The following ELMO1 variants were observed in gnomAD, a reference collection of about 807,000 sequenced individuals.
ELMO1 encodes engulfment and cell motility 1, also known as engulfment and cell motility protein 1.
A neutral mutation model predicts 98.9 loss-of-function variants in ELMO1; 26 were observed. The ratio of observed to expected loss-of-function variants is 0.26; its 90% CI spans 0.19 to 0.36. The LOEUF is 0.36. Ranked by LOEUF, ELMO1 falls within the 10% of genes least tolerant of loss-of-function variation. ELMO1 has a pLI of 1.00. For missense variants in ELMO1, 627 were observed against 935.2 expected, an observed-to-expected ratio of 0.67 and a Z score of 4.30; for synonymous variants, 346 against 346.0, an observed-to-expected ratio of 1.00 and a Z score of 0.00.
At chr7:37,428,262 A>G (rs1260764021) in intron 1 of ELMO1, among the ~76,000 whole-genome samples, 2 of 152,226 alleles carry the variant, frequency 1.3e-5, no homozygotes, top group Non-Finnish European at 2.9e-5. Flanking sequence ...ATAAAAAAAA[A>G]ACTGAGTGAT....
intron 16 of ELMO1, among the ~76,000 whole-genome samples, chr7:36,950,200 G>A (rs1162155399): frequency 2.0e-5 from 3 of 152,166 alleles, no homozygotes; most frequent in African/African-American, 4.8e-5. Context: ...GGAGATGAGC[G>A]ACTCCTGACT....
chr7:37,255,666 C>G (rs867905380), intron 6 of ELMO1, among the ~76,000 whole-genome samples: 1 of 152,266 alleles, frequency 6.6e-6, no homozygotes, highest in South Asian at 2.1e-4. Context: ...CTAATAATTT[C>G]AGAAGTATTT....
rs997281774 is a variant in ELMO1, at chr7:37,315,934, C to A, written c.105G>T (p.Lys35Asn). 1 of 1,602,398 alleles carries A rather than the reference C, an allele frequency of 6.2e-7. No individual in the cohort carries two copies. Among genetic ancestry groups the A allele is most frequent in the Non-Finnish European group, 8.5e-7 (1 of 1,177,052 alleles). ...DQKKPLSAII[K>N]EVCDGWSLAN... ...GTAACACTTACCCATCACAGACTTC[C>A]TTTATTATTGCAGACAGTGGTTTTT... Residue 35 changes from lysine (K) to asparagine (N), a missense_variant, in exon 3 of 22, where the codon AAG becomes AAT. Physicochemically the swap from Lys to Asn is moderately conservative, Grantham distance 94 (BLOSUM62 0). Coordinates refer to ENST00000310758, the MANE Select transcript of ELMO1 (RefSeq NM_014800.11).
chr7:37,263,513 A>AC (rs1796085236), intron 5 of ELMO1, among the ~76,000 whole-genome samples: 1 of 152,136 alleles, frequency 6.6e-6, no homozygotes, highest in Non-Finnish European at 1.5e-5. Context: ...AAAATCAAAT[A>AC]TTGATGTTTC....
At chr7:37,015,147 T>C (rs1413336452) in intron 15 of ELMO1, among the ~76,000 whole-genome samples, 1 of 151,894 alleles carries the variant, frequency 6.6e-6, no homozygotes, top group East Asian at 1.9e-4. Flanking sequence ...AATGCTGTTT[T>C]CCTCCAGATA....
At chr7:37,180,810 GCGCACACA>G (rs1300608267) in intron 13 of ELMO1, among the ~76,000 whole-genome samples, 5 of 131,126 alleles carry the variant, frequency 3.8e-5, no homozygotes, top group African/African-American at 1.3e-4. Flanking sequence ...ACACACATAT[GCGCACACA>G]CACACACACA....
chr7:37,031,399 C>A (rs1439758076), intron 15 of ELMO1, among the ~76,000 whole-genome samples: 2 of 152,070 alleles, frequency 1.3e-5, no homozygotes, highest in African/African-American at 4.8e-5. Flanking sequence ...GAAAATAAGA[C>A]AATAATGAAA....
chr7:37,259,171 A>C lies in ELMO1; in HGVS notation c.413+10T>G, dbSNP rs752322462. The C allele has an allele frequency of 1.3e-6, 2 of 1,599,502 alleles. No individual in the cohort carries two copies. On this transcript the variant is annotated intron_variant, in intron 6 of 21. Transcript: ENST00000310758. ...GGACAGCTGTGGAAGTTAGGAAAAA[A>C]GACGCTTACTCAGTGCCGCTCTCCA... is the stretch of plus-strand genomic sequence containing the variant.
chr7:36,948,658 T>C (rs754443024), intron 16 of ELMO1, among the ~76,000 whole-genome samples: 9 of 152,192 alleles, frequency 5.9e-5, no homozygotes, highest in Non-Finnish European at 1.3e-4. Flanking sequence ...TTCTTCACTA[T>C]AACCCTACAA....
intron 18 of ELMO1, among the ~76,000 whole-genome samples, chr7:36,886,407 T>C (rs1805014646): frequency 6.6e-6 from 1 of 152,210 alleles, no homozygotes; most frequent in South Asian, 2.1e-4. Flanking sequence ...ACAGGACAGT[T>C]ACAGTAAATG....
intron 15 of ELMO1, among the ~76,000 whole-genome samples, chr7:37,083,264 G>T (rs1783576759): frequency 6.6e-6 from 1 of 152,140 alleles, no homozygotes; most frequent in Non-Finnish European, 1.5e-5. Flanking sequence ...TTGGGAGGGG[G>T]CCATCGGGCT....
intron 16 of ELMO1, among the ~76,000 whole-genome samples, chr7:37,007,932 G>A (rs1793260368): frequency 6.6e-6 from 1 of 152,114 alleles, no homozygotes; most frequent in African/African-American, 2.4e-5. Context: ...ATGGGCCTGG[G>A]TTCTCCCTGT....
At chr7:37,123,282 G>T (rs920216317) in intron 14 of ELMO1, among the ~76,000 whole-genome samples, 1 of 152,064 alleles carries the variant, frequency 6.6e-6, no homozygotes, top group Non-Finnish European at 1.5e-5. Flanking sequence ...AAGTAACTAA[G>T]ATCAGAGCAG....
chr7:36,982,019 T>C (rs1179587684), intron 16 of ELMO1, among the ~76,000 whole-genome samples: 1 of 152,244 alleles, frequency 6.6e-6, no homozygotes, highest in East Asian at 1.9e-4. Flanking sequence ...GAGTAGCCAC[T>C]AAACACGGTG....
At chr7:37,169,080 A>C (rs936952961) in intron 13 of ELMO1, among the ~76,000 whole-genome samples, 3 of 152,132 alleles carry the variant, frequency 2.0e-5, no homozygotes, top group African/African-American at 7.2e-5. Flanking sequence ...GCCGACTTGC[A>C]GTTTGATCTC....
At chr7:37,203,605 T>C (rs1337780848) in intron 13 of ELMO1, among the ~76,000 whole-genome samples, 1 of 152,152 alleles carries the variant, frequency 6.6e-6, no homozygotes, top group African/African-American at 2.4e-5. Flanking sequence ...GAGTTTATAC[T>C]AGAAATAATT....
At chr7:36,861,884 C>G in intron 20 of ELMO1, 148 bp from the exon 21 acceptor site, 1 of 717,596 alleles carries the variant, frequency 1.4e-6, no homozygotes, top group Non-Finnish European at 2.5e-6. Context: ...AGGAACCATG[C>G]TCTTCAAGGT....
At chr7:36,974,162 G>A (rs1187261963) in intron 16 of ELMO1, among the ~76,000 whole-genome samples, 1 of 152,268 alleles carries the variant, frequency 6.6e-6, no homozygotes, top group African/African-American at 2.4e-5. Flanking sequence ...TCCACCTGCA[G>A]CCCCGGTGTG....
At chr7:37,015,880 C>A (rs1490459358) in intron 15 of ELMO1, among the ~76,000 whole-genome samples, 2 of 152,182 alleles carry the variant, frequency 1.3e-5, no homozygotes, top group Admixed American at 6.5e-5. Flanking sequence ...TGATCCCACC[C>A]CAGCCTGTGT....
Sources: gnomAD v4.1 joint callset for allele counts (sites outside exome capture counted in the v4.1 genomes callset) on GRCh38, gnomAD v4.1.1 for gene constraint, MANE v1.5 for transcripts, NCBI Gene and HGNC (gene_info 2026-07-23, HGNC 2026-07-21) for gene names.